The following CDH17 variants were observed in gnomAD, a reference collection of about 807,000 sequenced individuals.
CDH17 encodes cadherin 17, also known as cadherin-17.
A neutral mutation model predicts 86.3 loss-of-function variants in CDH17; 67 were observed. The ratio of observed to expected loss-of-function variants is 0.78; its 90% CI spans 0.64 to 0.95. CDH17 has a LOEUF of 0.95. Ranked by LOEUF, CDH17 falls within the 40% of genes least tolerant of loss-of-function variation. The pLI, the probability that CDH17 is intolerant of heterozygous loss-of-function variation, is 0.00. For missense variants in CDH17, 993 were observed against 1,017.6 expected, an observed-to-expected ratio of 0.98 and a Z score of 0.33; for synonymous variants, 367 against 366.4, an observed-to-expected ratio of 1.00 and a Z score of -0.02.
intron 3 of CDH17, among the ~76,000 whole-genome samples, chr8:94,187,522 T>G (rs1387326873): frequency 6.6e-6 from 1 of 152,262 alleles, no homozygotes; most frequent in Non-Finnish European, 1.5e-5. Flanking sequence ...TGTGAGCCCC[T>G]GCCAGAGTCC....
intron 12 of CDH17, among the ~76,000 whole-genome samples, chr8:94,153,519 G>A (rs1158350424): frequency 1.3e-5 from 2 of 152,136 alleles, no homozygotes; most frequent in African/African-American, 2.4e-5. Flanking sequence ...GGTATATAAA[G>A]TCAGTATGTC....
chr8:94,167,389 C>A (rs1456613933), intron 9 of CDH17, among the ~76,000 whole-genome samples: 7 of 152,120 alleles, frequency 4.6e-5, no homozygotes, highest in Admixed American at 4.6e-4. Flanking sequence ...ACACCCCCTC[C>A]CCCATCAGCT....
chr8:94,179,004 G>A (rs1422192899), intron 3 of CDH17, among the ~76,000 whole-genome samples: 1 of 150,780 alleles, frequency 6.6e-6, no homozygotes, highest in Admixed American at 6.6e-5. Flanking sequence ...TTAAGAATAT[G>A]GGAAATTAAC....
rs531986769 is a variant in CDH17, at chr8:94,148,829, G to C, written c.1842C>G (p.His614Gln). 1 of 1,608,112 alleles carries C rather than the reference G, an allele frequency of 6.2e-7. No homozygotes were observed. Among genetic ancestry groups the C allele is most frequent in the Non-Finnish European group, 8.5e-7 (1 of 1,178,026 alleles). Residue 614 changes from histidine to glutamine, a missense_variant, in exon 14 of 18, where the codon CAC becomes CAG. Physicochemically the swap from His to Gln is conservative, Grantham distance 24 (BLOSUM62 0). Coordinates refer to ENST00000027335, the MANE Select transcript of CDH17 (RefSeq NM_004063.4). Reference protein sequence around the residue: ...GDTRGWLKIDHVTGEIFSVAP... With the variant: ...GDTRGWLKIDQVTGEIFSVAP... The stretch of plus-strand genomic sequence containing the variant: ...CCACACTAAAGATCTCACCAGTCAC[G>C]TGGTCAATTTTAAGCCAACCTCTTG...
At chr8:94,211,474 G>C (rs1343312835), upstream of CDH17, among the ~76,000 whole-genome samples, 1 of 152,034 alleles carries the variant, frequency 6.6e-6, no homozygotes, top group South Asian at 2.1e-4. Context: ...ACCACACCCG[G>C]CTAATTTTTT....
chr8:94,209,151 T>A (rs981613230), upstream of CDH17, among the ~76,000 whole-genome samples: 12 of 152,074 alleles, frequency 7.9e-5, no homozygotes, highest in African/African-American at 2.9e-4. Flanking sequence ...CCAAGTCCTT[T>A]TTTCCCCCCC....
chr8:94,215,642 GAT>G (rs1189655614), intron 1 of CDH17, among the ~76,000 whole-genome samples: 1 of 152,110 alleles, frequency 6.6e-6, no homozygotes, highest in African/African-American at 2.4e-5. Context: ...TAAGCTGTAT[GAT>G]ATGTCAATTA....
chr8:94,146,484 C>T (rs560638510), intron 14 of CDH17, among the ~76,000 whole-genome samples: 1 of 152,338 alleles, frequency 6.6e-6, no homozygotes, highest in South Asian at 2.1e-4. Flanking sequence ...GCACTCACAC[C>T]TTCACTTGCT....
intron 14 of CDH17, 106 bp downstream of exon 14, chr8:94,148,638 G>A (rs1037878489): frequency 2.1e-4 from 168 of 810,516 alleles, no homozygotes; most frequent in Non-Finnish European, 2.7e-4. Flanking sequence ...GTGATATTCT[G>A]GTGTTTTGGC....
Position 94,134,735 on chromosome 8 carries a change from C to A in CDH17, c.2168-3743G>T, listed in dbSNP as rs191124609. 3.3e-5 allele frequency among the ~76,000 whole-genome samples: 5 copies of A among 152,240 alleles called. No individual in the cohort carries two copies. The East Asian group carries it at 7.7e-4, about 24-fold the overall frequency. On this transcript the variant is annotated intron_variant, in intron 15 of 17. Coordinates refer to ENST00000027335, the MANE Select transcript of CDH17 (RefSeq NM_004063.4). ...TGTGTTTGCTCTTTCTTCTCTAGTT[C>A]TTTTCATTGTGATGTTAGGGTGTCA...
At chr8:94,129,159 T>G (rs1812360766) in intron 17 of CDH17, among the ~76,000 whole-genome samples, 2 of 151,886 alleles carry the variant, frequency 1.3e-5, no homozygotes, top group African/African-American at 4.8e-5. Context: ...TAACTTGTGG[T>G]AAGATTATGG....
intron 2 of CDH17, 22 bp downstream of exon 2, chr8:94,194,610 AGAG>A (rs1813745172): frequency 1.3e-6 from 2 of 1,511,512 alleles, no homozygotes; most frequent in Admixed American, 1.7e-5. Flanking sequence ...GTAAACAAAT[AGAG>A]AAGAACACCC....
intron 15 of CDH17, among the ~76,000 whole-genome samples, 186 bp from the exon 16 acceptor site, chr8:94,131,178 C>T (rs1563562241): frequency 6.6e-6 from 1 of 152,160 alleles, no homozygotes; most frequent in Non-Finnish European, 1.5e-5. Flanking sequence ...CTAAAGCATC[C>T]TTTAAGTTCT....
intron 13 of CDH17, among the ~76,000 whole-genome samples, chr8:94,149,308 G>GA (rs1355374494): frequency 6.6e-6 from 1 of 152,104 alleles, no homozygotes; most frequent in African/African-American, 2.4e-5. Flanking sequence ...CGTTGGGCGA[G>GA]ATGGGTGGAT....
At chr8:94,141,255 T>C (rs1393249002) in intron 15 of CDH17, among the ~76,000 whole-genome samples, 2 of 133,616 alleles carry the variant, frequency 1.5e-5, no homozygotes, top group Non-Finnish European at 3.4e-5. Flanking sequence ...AAATTTAATA[T>C]CCATTTCCAA....
intron 15 of CDH17, among the ~76,000 whole-genome samples, chr8:94,142,921 C>T (rs1407405797): frequency 1.3e-5 from 2 of 152,146 alleles, no homozygotes; most frequent in Non-Finnish European, 2.9e-5. Context: ...TTGAACCCCT[C>T]AAAGTCATCC....
chr8:94,192,855 C>T (rs1813712502), intron 2 of CDH17, among the ~76,000 whole-genome samples: 1 of 152,196 alleles, frequency 6.6e-6, no homozygotes, highest in Non-Finnish European at 1.5e-5. Flanking sequence ...GTTTCTAACC[C>T]TCTGATAAAT....
At chr8:94,184,633 T>C (rs1254071943) in intron 3 of CDH17, among the ~76,000 whole-genome samples, 2 of 152,042 alleles carry the variant, frequency 1.3e-5, no homozygotes, top group Non-Finnish European at 1.5e-5. Flanking sequence ...CTGATGGAAA[T>C]GTTCTGTAAT....
chr8:94,204,595 T>C (rs7012723), intron 1 of CDH17, among the ~76,000 whole-genome samples: 10,547 of 152,190 alleles, frequency 0.069, 1,202 homozygotes, highest in African/African-American at 0.24. Context: ...TAAATAGTGC[T>C]GCAATAAACA....
Sources: allele counts gnomAD v4.1 joint callset (sites outside exome capture counted in the v4.1 genomes callset), GRCh38; gene constraint gnomAD v4.1.1; transcripts MANE v1.5; gene names NCBI Gene and HGNC (gene_info 2026-07-23, HGNC 2026-07-21).